Variants in CALCOCO2 observed in about 807,000 individuals in gnomAD.
The protein encoded by CALCOCO2 is calcium binding and coiled-coil domain 2, also known as calcium-binding and coiled-coil domain-containing protein 2.
A neutral mutation model predicts 62.5 loss-of-function variants in CALCOCO2; 42 were observed. That is an observed-to-expected ratio of 0.67 (90% CI 0.53 to 0.87). The LOEUF (loss-of-function observed/expected upper bound fraction) is 0.87. CALCOCO2 is among the 40% of genes least tolerant of loss of function. The pLI is 0.00. For missense variants in CALCOCO2, 456 were observed against 515.0 expected, an observed-to-expected ratio of 0.89 and a Z score of 1.11; for synonymous variants, 167 against 173.0, an observed-to-expected ratio of 0.97 and a Z score of 0.27.
intron 7 of CALCOCO2, among the ~76,000 whole-genome samples, chr17:48,852,064 G>A (rs547847375): frequency 1.3e-5 from 2 of 151,834 alleles, no homozygotes; most frequent in South Asian, 2.1e-4. Flanking sequence ...CTTGAGCCCC[G>A]GAGGCAAAGG....
intron 2 of CALCOCO2, chr17:48,847,720 A>G (rs1008087871): frequency 1.7e-5 from 3 of 172,116 alleles, no homozygotes; most frequent in Admixed American, 6.2e-5. Context: ...CAGTGGTGCA[A>G]TCTCGGCTCA....
At chr17:48,857,097 C>T (rs1000630913) in intron 10 of CALCOCO2, among the ~76,000 whole-genome samples, 10 of 151,624 alleles carry the variant, frequency 6.6e-5, no homozygotes, top group Admixed American at 6.6e-5. Context: ...CCACCACGCC[C>T]GGCCCATTCT....
intron 2 of CALCOCO2, chr17:48,844,012 T>G (rs989664028): frequency 6.6e-6 from 1 of 152,236 alleles, no homozygotes; most frequent in Non-Finnish European, 1.5e-5. Context: ...GCCTCCCGAG[T>G]AGCTGGGATT....
chr17:48,849,304 A>G lies in CALCOCO2; in HGVS notation c.470A>G (p.Gln157Arg), dbSNP rs1481141878. The change falls in exon 5 of 13, where the codon CAG (glutamine) becomes CGG (arginine). Residue 157 changes from glutamine to arginine, a missense_variant. Physicochemically the swap from Gln to Arg is conservative, Grantham distance 43. Coordinates refer to ENST00000258947, the MANE Select transcript of CALCOCO2 (RefSeq NM_005831.5). ...AACAAGGAGCTTTGCAAAGAAAACC[A>G]GGAGCTGAAGGACAGCTGTATCAGC... ...QHNKELCKEN[Q>R]ELKDSCISLQ... 6.2e-7 allele frequency: 1 copy of G among 1,613,494 alleles called. No homozygotes were observed. Among genetic ancestry groups the G allele is most frequent in the Admixed American group, 1.7e-5 (1 of 60,008 alleles).
Position 48,858,046 on chromosome 17 carries a change from A to AT in CALCOCO2, c.1008+1859_1008+1860insT. Among the ~76,000 whole-genome samples the AT allele has an allele frequency of 1.0e-4, 4 of 40,048 alleles. 1 individual carries two copies. Among genetic ancestry groups the AT allele is most frequent in the Admixed American group, 9.7e-4 (3 of 3,104 alleles). 26.3% of individuals were successfully genotyped at this position (40,048 alleles called of 152,430 possible). On this transcript the variant is annotated intron_variant, in intron 10 of 12. Coordinates refer to ENST00000258947, the MANE Select transcript of CALCOCO2 (RefSeq NM_005831.5). ...ATAGAATAGAATAGAATAGAATAGA[A>AT]AATAGAATAGAATAGAATAGAATAG...
At position 48,858,165 on chromosome 17, in the gene CALCOCO2, TG is replaced by T. The variant is rs564789805; in HGVS notation, c.1008+1979del. 3.3e-5 allele frequency among the ~76,000 whole-genome samples: 5 copies of T among 151,872 alleles called. No homozygotes were observed. In the South Asian group the frequency reaches 6.3e-4, roughly 19 times the overall value. On this transcript the variant is annotated intron_variant, in intron 10 of 12. Transcript: ENST00000258947. ...ACAGATCTCCAGAACTTTTCCATCT[TG>T]CAACATTAAAACTTCATACCTACTA...
At chr17:48,857,990 A>ATAGG (rs2040248249) in intron 10 of CALCOCO2, among the ~76,000 whole-genome samples, 1 of 18,860 alleles carries the variant, frequency 5.3e-5, no homozygotes, top group Non-Finnish European at 1.3e-4. Context: ...AATAGAATAG[A>ATAGG]ATAGAATAGA....
In CALCOCO2 at chr17:48,863,918, G is replaced by A. The variant is rs1323991707; in HGVS notation, c.*913G>A. Reference sequence around the variant, plus strand: ...TCATGGGAAAATTGTGATCAAAAGGGCTATGGGAAGGGCAGACCCCGCCAA... The same window carrying A: ...TCATGGGAAAATTGTGATCAAAAGGACTATGGGAAGGGCAGACCCCGCCAA... On this transcript the variant is annotated 3_prime_UTR_variant, in exon 13 of 13. Transcript: ENST00000258947. 3 of 152,006 alleles carry A rather than the reference G, an allele frequency of 2.0e-5. No individual in the cohort carries two copies. Among genetic ancestry groups the A allele is most frequent in the Non-Finnish European group, 4.4e-5 (3 of 68,034 alleles). The allele number at this position is 152,006 out of a possible 1,614,324, so 9.4% of individuals were successfully genotyped here.
Position 48,852,503 on chromosome 17 carries a change from T to C in CALCOCO2, c.703-3T>C, listed in dbSNP as rs2040148412. Reference sequence around the variant, plus strand: ...TTGGTTATGTTCACTATTTTTGTTTTAGGCCCAGCTGTCAACTCAAGAGAA... The same window carrying C: ...TTGGTTATGTTCACTATTTTTGTTTCAGGCCCAGCTGTCAACTCAAGAGAA... On this transcript the variant is annotated splice_region_variant and splice_polypyrimidine_tract_variant and intron_variant, in intron 7 of 12. Coordinates refer to ENST00000258947, the MANE Select transcript of CALCOCO2 (RefSeq NM_005831.5). 9 of 1,611,426 alleles carry C rather than the reference T, an allele frequency of 5.6e-6. No homozygotes were observed. Among genetic ancestry groups the C allele is most frequent in the Non-Finnish European group, 7.6e-6 (9 of 1,179,038 alleles).
In CALCOCO2 at chr17:48,861,637, A is replaced by G. The variant is rs537896339; in HGVS notation, c.1145-639A>G. 8.3e-4 allele frequency among the ~76,000 whole-genome samples: 75 copies of G among 90,200 alleles called. 1 individual carries two copies. Among genetic ancestry groups the G allele is most frequent in the Non-Finnish European group, 1.3e-3 (63 of 48,244 alleles). 59.2% of individuals were successfully genotyped at this position (90,200 alleles called of 152,430 possible). A position where few individuals can be genotyped will look rare whatever the true frequency, so the allele number is the denominator to read the frequency against. ...TTCTGACTGTATAACATATATATAT[A>G]TGTATATATATATATGTGTGTGTGT... On this transcript the variant is annotated intron_variant, in intron 11 of 12. Transcript: ENST00000258947.
intron 1 of CALCOCO2, among the ~76,000 whole-genome samples, chr17:48,837,026 TG>T (rs1010438014): frequency 6.6e-6 from 1 of 152,188 alleles, no homozygotes; most frequent in Non-Finnish European, 1.5e-5. Context: ...CTCCCAGTGC[TG>T]GGATTACAGG....
At chr17:48,832,570 C>G (rs1397442649) in intron 1 of CALCOCO2, among the ~76,000 whole-genome samples, 3 of 152,142 alleles carry the variant, frequency 2.0e-5, no homozygotes, top group African/African-American at 7.2e-5. Flanking sequence ...CTTAGCCATG[C>G]ATTTTGCTGA....
intron 4 of CALCOCO2, 33 bp downstream of exon 4, chr17:48,848,488 G>T: frequency 6.3e-7 from 1 of 1,594,800 alleles, no homozygotes; most frequent in Non-Finnish European, 8.6e-7. Flanking sequence ...ATCCCTTACT[G>T]CCATTACGGG....
intron 3 of CALCOCO2, 22 bp from the exon 4 acceptor site, chr17:48,848,299 GA>G (rs752290535): frequency 1.2e-6 from 2 of 1,608,344 alleles, no homozygotes; most frequent in South Asian, 2.2e-5. Context: ...TATTTTGGAT[GA>G]AAAATTATGT....
chr17:48,844,698 A>G (rs1302989024), intron 2 of CALCOCO2, among the ~76,000 whole-genome samples: 1 of 152,090 alleles, frequency 6.6e-6, no homozygotes, highest in Non-Finnish European at 1.5e-5. Flanking sequence ...TTGTATTTTT[A>G]GTAGAGACAG....
At chr17:48,850,993 A>G (rs1350348534) in intron 5 of CALCOCO2, 96 bp from the exon 6 acceptor site, 2 of 711,654 alleles carry the variant, frequency 2.8e-6, no homozygotes, top group Non-Finnish European at 5.1e-6. Flanking sequence ...TGCCTGACAT[A>G]TAGTAAGTGC....
At position 48,862,132 on chromosome 17, in the gene CALCOCO2, C is replaced by T. The variant is rs141561368; in HGVS notation, c.1145-144C>T. 320 of 708,412 alleles carry T rather than the reference C, an allele frequency of 4.5e-4. No homozygotes were observed. The African/African-American group carries it at 4.6e-3, about 10-fold the overall frequency. 43.9% of individuals were successfully genotyped at this position (708,412 alleles called of 1,614,324 possible). ...CCTAGATCCCCTCTATCAGAAGTAACGGTATATATATGAGAGAGAAAGAAT... is the reference window on the plus strand; with the variant it reads ...CCTAGATCCCCTCTATCAGAAGTAATGGTATATATATGAGAGAGAAAGAAT... On this transcript the variant is annotated intron_variant, in intron 11 of 12. Coordinates refer to ENST00000258947, the MANE Select transcript of CALCOCO2 (RefSeq NM_005831.5).
chr17:48,832,705 T>C (rs554714478), intron 1 of CALCOCO2, among the ~76,000 whole-genome samples: 4 of 152,286 alleles, frequency 2.6e-5, no homozygotes, highest in Admixed American at 2.0e-4. Context: ...TCAAACACTG[T>C]CACTGCCCAT....
chr17:48,860,121 A>G (rs750246851), intron 10 of CALCOCO2, among the ~76,000 whole-genome samples, 193 bp from the exon 11 acceptor site: 1 of 152,216 alleles, frequency 6.6e-6, no homozygotes, highest in Non-Finnish European at 1.5e-5. Flanking sequence ...AAATTCAGGT[A>G]TAAAGAACTT....
Sources: allele counts gnomAD v4.1 joint callset (sites outside exome capture counted in the v4.1 genomes callset), GRCh38; gene constraint gnomAD v4.1.1; transcripts MANE v1.5; gene names NCBI Gene and HGNC (gene_info 2026-07-23, HGNC 2026-07-21).